IL36G: variants seen among roughly 807,000 people sequenced by gnomAD.
IL36G encodes interleukin-36 gamma.
Under a neutral mutation model 13.5 loss-of-function variants are expected in IL36G, and 10 were observed. The observed-to-expected ratio is 0.74, with a 90% CI of 0.46 to 1.26. IL36G has a LOEUF of 1.26. Ranked by LOEUF, IL36G falls within the 50% of genes most tolerant of loss-of-function variation. The pLI is 0.00. For missense variants in IL36G, 199 were observed against 203.0 expected (o/e 0.98, Z 0.12); for synonymous variants, 84 against 74.0 (o/e 1.13, Z -0.69).
chr2:112,978,844 T>C, intron 2 of IL36G, 151 bp downstream of exon 2: 1 of 775,068 alleles, frequency 1.3e-6, no homozygotes, highest in Non-Finnish European at 2.2e-6. Flanking sequence ...CCTGGGCTTC[T>C]GGAGGGTGGG....
intron 4 of IL36G, among the ~76,000 whole-genome samples, chr2:112,982,823 A>G (rs1230913007): frequency 6.6e-6 from 1 of 152,122 alleles, no homozygotes; most frequent in Non-Finnish European, 1.5e-5. Flanking sequence ...AGTGGGGGCA[A>G]AAGCCTGGAT....
intron 3 of IL36G, among the ~76,000 whole-genome samples, chr2:112,979,787 C>T (rs964203116): frequency 3.3e-5 from 5 of 152,112 alleles, no homozygotes; most frequent in Non-Finnish European, 7.3e-5. Flanking sequence ...CTGTTGTCTG[C>T]TTAGCTCTCT....
chr2:112,981,838 T>C (rs1007730989), intron 4 of IL36G, among the ~76,000 whole-genome samples: 1 of 152,256 alleles, frequency 6.6e-6, no homozygotes, highest in African/African-American at 2.4e-5. Context: ...ATCTTTACTC[T>C]TTTAATTCCC....
At chr2:112,979,753 G>T (rs1378902999) in intron 3 of IL36G, among the ~76,000 whole-genome samples, 2 of 152,160 alleles carry the variant, frequency 1.3e-5, no homozygotes, top group African/African-American at 4.8e-5. Context: ...TCAAGCAGAG[G>T]CGTGAGAATC....
chr2:112,978,481 C>G, intron 1 of IL36G, 139 bp from the exon 2 acceptor site: 1 of 677,308 alleles, frequency 1.5e-6, no homozygotes, highest in Non-Finnish European at 2.6e-6. Context: ...CCAGATGTGG[C>G]TCAGAACTTC....
At chr2:112,981,400 C>T (rs1684258642) in intron 4 of IL36G, 1 of 725,366 alleles carries the variant, frequency 1.4e-6, no homozygotes, top group Non-Finnish European at 2.5e-6. Context: ...TGGCTTATCT[C>T]CTTCAGCATC....
rs769584494 is a variant in IL36G at position 112,981,490 on chromosome 2, G to A, written c.300+1342G>A. 8.1e-5 allele frequency: 47 copies of A among 580,616 alleles called. 1 individual carries two copies. The highest frequency in any genetic ancestry group is 6.9e-4 in the South Asian group (35 of 50,630). 36.0% of individuals were successfully genotyped at this position (580,616 alleles called of 1,614,324 possible). On this transcript the variant is annotated intron_variant, in intron 4 of 4. Transcript: ENST00000259205. ...CTGGATGCAGGATGCAGCATTGTGC[G>A]GGTTTTGGTCAGTCTGGGGGCTGTT... is the stretch of plus-strand genomic sequence containing the variant.
intron 4 of IL36G, chr2:112,981,381 C>A: frequency 1.4e-6 from 1 of 737,804 alleles, no homozygotes; most frequent in East Asian, 2.5e-5. Flanking sequence ...TGTGGTTCGT[C>A]CTTCACCTTG....
At chr2:112,978,108 C>G (rs2105010096) in intron 1 of IL36G, 30 bp downstream of exon 1, 1 of 159,556 alleles carries the variant, frequency 6.3e-6, no homozygotes, top group South Asian at 1.9e-4. Context: ...AACCTCTTCT[C>G]CCTCCCTCTG....
chr2:112,980,351 T>C (rs1412266796), intron 4 of IL36G, among the ~76,000 whole-genome samples: 5 of 152,136 alleles, frequency 3.3e-5, no homozygotes, highest in Non-Finnish European at 7.4e-5. Flanking sequence ...TTTTTTTTTT[T>C]CCAAGCCAAA....
chr2:112,978,723 T>C, intron 2 of IL36G, 30 bp downstream of exon 2: 1 of 1,609,880 alleles, frequency 6.2e-7, no homozygotes, highest in South Asian at 1.1e-5. Flanking sequence ...GATGGGGCTC[T>C]GGAGGCTTAG....
rs896160818 is a variant in IL36G, at chr2:112,981,399, T to C, written c.300+1251T>C. On this transcript the variant is annotated intron_variant, in intron 4 of 4. Transcript: ENST00000259205. ...GGTTCGTCCTTCACCTTGGCTTATC[T>C]CCTTCAGCATCCCCTTCAGCCTTTC... is the stretch of plus-strand genomic sequence containing the variant. The C allele has an allele frequency of 8.6e-5, 62 of 724,982 alleles. 1 individual carries two copies. The highest frequency in any genetic ancestry group is 5.0e-4 in the Middle Eastern group (2 of 4,038). 44.9% of individuals were successfully genotyped at this position (724,982 alleles called of 1,614,324 possible).
At chr2:112,978,171 A>T in intron 1 of IL36G, 93 bp downstream of exon 1, 1 of 171,716 alleles carries the variant, frequency 5.8e-6, no homozygotes. Flanking sequence ...GGGCCACATC[A>T]GGCTGGCTCT....
Position 112,985,131 on chromosome 2 carries a change from CA to C in IL36G, c.*83del. 1 of 935,158 alleles carries C rather than the reference CA, an allele frequency of 1.1e-6. No individual in the cohort carries two copies. The highest frequency in any genetic ancestry group is 1.6e-5 in the South Asian group (1 of 63,768). 57.9% of individuals were successfully genotyped at this position (935,158 alleles called of 1,614,324 possible). ...GTTTTCGTCTACATTTTCTTAGTGT[CA>C]TTTTCACGCTGGTGCTGAGACAGGG... On this transcript the variant is annotated 3_prime_UTR_variant, in exon 5 of 5. Coordinates refer to ENST00000259205, the MANE Select transcript of IL36G (RefSeq NM_019618.4).
intron 4 of IL36G, chr2:112,981,362 G>A: frequency 1.3e-6 from 1 of 754,206 alleles, no homozygotes; most frequent in Admixed American, 1.8e-5. Context: ...CAACTTTGCG[G>A]GCCTTCTCTG....
chr2:112,983,752 A>T (rs1684306554), intron 4 of IL36G, among the ~76,000 whole-genome samples: 1 of 152,218 alleles, frequency 6.6e-6, no homozygotes, highest in Admixed American at 6.5e-5. Context: ...CACTGTAATA[A>T]CAATAGAAAA....
intron 4 of IL36G, among the ~76,000 whole-genome samples, chr2:112,983,179 T>A: frequency 6.6e-6 from 1 of 152,096 alleles, no homozygotes; most frequent in Non-Finnish European, 1.5e-5. Context: ...GTACAAGTTG[T>A]CTTCTAATTA....
intron 4 of IL36G, among the ~76,000 whole-genome samples, chr2:112,982,928 G>A (rs1684289632): frequency 6.6e-6 from 1 of 152,208 alleles, no homozygotes; most frequent in African/African-American, 2.4e-5. Flanking sequence ...TGGAACTGGT[G>A]GCGGTGGTGG....
At position 112,979,212 on chromosome 2, in the gene IL36G, CA is replaced by C; in HGVS notation, c.56-5del. The stretch of plus-strand genomic sequence containing the variant: ...TATTTCTTCATTTTTTTCTCTATCC[CA>C]AAATCAGTGTGTAAACCTATTACTG... On this transcript the variant is annotated splice_polypyrimidine_tract_variant and splice_region_variant and intron_variant, in intron 2 of 4. Transcript: ENST00000259205. 4 of 1,552,690 alleles carry C rather than the reference CA, an allele frequency of 2.6e-6. No homozygotes were observed. The highest frequency in any genetic ancestry group is 3.6e-6 in the Non-Finnish European group (4 of 1,124,622).
Sources: allele counts gnomAD v4.1 joint callset (sites outside exome capture counted in the v4.1 genomes callset), GRCh38; gene constraint gnomAD v4.1.1; transcripts MANE v1.5; gene names NCBI Gene and HGNC (gene_info 2026-07-23, HGNC 2026-07-21).